The following FSTL5 variants were observed in gnomAD, a reference collection of about 807,000 sequenced individuals.
FSTL5 encodes follistatin-related protein 5.
FSTL5 carries 62 observed loss-of-function variants against 89.1 expected under a neutral mutation model. The ratio of observed to expected loss-of-function variants is 0.70; its 90% CI spans 0.57 to 0.86. The LOEUF is 0.86. Ranked by LOEUF, FSTL5 falls within the 40% of genes least tolerant of loss-of-function variation. The pLI is 0.00. For synonymous variants in FSTL5, 383 were observed against 346.2 expected (o/e 1.11, Z -1.18); for missense variants, 1,057 against 1,001.6 (o/e 1.06, Z -0.75).
At chr4:162,162,666 T>C (rs925842253) in intron 1 of FSTL5, among the ~76,000 whole-genome samples, 3 of 152,166 alleles carry the variant, frequency 2.0e-5, no homozygotes, top group Admixed American at 1.3e-4. Context: ...CTGAATTCTT[T>C]CTCTGTACAC....
intron 2 of FSTL5, among the ~76,000 whole-genome samples, chr4:162,082,951 A>G (rs946157655): frequency 1.3e-5 from 2 of 151,654 alleles, no homozygotes; most frequent in Admixed American, 1.3e-4. Context: ...AAGTAAATCA[A>G]TATCAAATAC....
intron 2 of FSTL5, among the ~76,000 whole-genome samples, chr4:162,073,126 T>G (rs374838757): frequency 6.6e-6 from 1 of 151,906 alleles, no homozygotes; most frequent in East Asian, 1.9e-4. Flanking sequence ...ATAATTATAA[T>G]AAATATTTTT....
At chr4:161,773,565 A>G (rs1049591031) in intron 5 of FSTL5, among the ~76,000 whole-genome samples, 12 of 152,250 alleles carry the variant, frequency 7.9e-5, no homozygotes, top group Non-Finnish European at 1.0e-4. Context: ...AAAAGAAGAT[A>G]TACAAATGGC....
intron 6 of FSTL5, among the ~76,000 whole-genome samples, chr4:161,759,091 T>C (rs1032590257): frequency 8.5e-5 from 13 of 152,336 alleles, no homozygotes; most frequent in African/African-American, 3.1e-4. Context: ...TTGTTTTTGA[T>C]ACATGGTGAC....
intron 8 of FSTL5, among the ~76,000 whole-genome samples, chr4:161,544,165 C>A (rs915332119): frequency 6.6e-6 from 1 of 151,770 alleles, no homozygotes; most frequent in Non-Finnish European, 1.5e-5. Context: ...GAGGGAAATG[C>A]AAATCAAAAC....
At chr4:162,140,386 G>C (rs541599000) in intron 1 of FSTL5, among the ~76,000 whole-genome samples, 1 of 140,634 alleles carries the variant, frequency 7.1e-6, no homozygotes, top group South Asian at 2.2e-4. Context: ...CACTAATTTA[G>C]TGGATAAGGA....
chr4:162,037,702 G>T (rs1273906800), intron 2 of FSTL5, among the ~76,000 whole-genome samples: 2 of 151,732 alleles, frequency 1.3e-5, no homozygotes, highest in South Asian at 2.1e-4. Context: ...TTTGGAGAAG[G>T]GAAACTAGTA....
At chr4:161,701,154 T>G (rs961444808) in intron 6 of FSTL5, among the ~76,000 whole-genome samples, 9 of 152,206 alleles carry the variant, frequency 5.9e-5, no homozygotes, top group Non-Finnish European at 1.0e-4. Context: ...CAATCAGCAT[T>G]TAAACCCACA....
chr4:161,972,630 G>GT (rs1165854865), intron 3 of FSTL5, among the ~76,000 whole-genome samples: 1 of 152,158 alleles, frequency 6.6e-6, no homozygotes, highest in African/African-American at 2.4e-5. Context: ...AACTGAGCCA[G>GT]TAAGTGGATC....
At chr4:161,453,437 T>A (rs1733242120) in intron 15 of FSTL5, among the ~76,000 whole-genome samples, 1 of 152,112 alleles carries the variant, frequency 6.6e-6, no homozygotes. Flanking sequence ...TATAAGAACT[T>A]CATATATTTT....
intron 10 of FSTL5, among the ~76,000 whole-genome samples, chr4:161,532,200 CA>C (rs764769069): frequency 2.6e-3 from 304 of 116,636 alleles, no homozygotes; most frequent in South Asian, 2.6e-3. Flanking sequence ...ACTCCATCTC[CA>C]AAAAAAAAAA....
At chr4:161,761,744 G>A (rs1422372243) in intron 5 of FSTL5, among the ~76,000 whole-genome samples, 1 of 152,164 alleles carries the variant, frequency 6.6e-6, no homozygotes, top group Admixed American at 6.5e-5. Context: ...ATGTGACCTT[G>A]AGAAGCCAGT....
At chr4:161,708,746 G>T (rs967765739) in intron 6 of FSTL5, among the ~76,000 whole-genome samples, 8 of 152,080 alleles carry the variant, frequency 5.3e-5, no homozygotes, top group African/African-American at 1.7e-4. Context: ...CTACAAAGAT[G>T]AATTATGTAT....
chr4:161,571,914 G>C (rs576177652), intron 8 of FSTL5, among the ~76,000 whole-genome samples: 1 of 152,092 alleles, frequency 6.6e-6, no homozygotes, highest in Admixed American at 6.6e-5. Context: ...CCCCCAAAAG[G>C]CTTCTGAGCA....
intron 12 of FSTL5, among the ~76,000 whole-genome samples, chr4:161,496,787 AAGATAGAGATAGAGATAGAGATAG>A (rs70937658): frequency 2.8e-5 from 4 of 143,728 alleles, no homozygotes; most frequent in African/African-American, 7.9e-5. Flanking sequence ...GATAGAGAAA[AAGATAGAGATAGAGATAGAGATAG>A]AGATAGAGAT....
rs1429191782 is a variant in FSTL5, at chr4:161,993,020, A to C, written c.160+40605T>G. Among the ~76,000 whole-genome samples the C allele has an allele frequency of 4.7e-5, 7 of 147,982 alleles. No individual in the cohort carries two copies. The East Asian group carries it at 9.8e-4, about 21-fold the overall frequency. On this transcript the variant is annotated intron_variant, in intron 3 of 15. Transcript: ENST00000306100. ...TGTTTCAATAGGTTGCACAAGGCGG[A>C]GGGGTGTGGAGGGGCATATTGTTTC...
At chr4:161,734,088 A>T (rs988900335) in intron 6 of FSTL5, among the ~76,000 whole-genome samples, 8 of 152,148 alleles carry the variant, frequency 5.3e-5, no homozygotes, top group African/African-American at 1.9e-4. Flanking sequence ...GAAAGTATGA[A>T]AAGATCTTTG....
intron 6 of FSTL5, among the ~76,000 whole-genome samples, chr4:161,730,547 T>C (rs1354193426): frequency 6.6e-6 from 1 of 152,174 alleles, no homozygotes; most frequent in Non-Finnish European, 1.5e-5. Flanking sequence ...CCTGCAATGG[T>C]ATCTACAGTA....
chr4:161,689,226 A>C (rs1737842460), intron 6 of FSTL5, among the ~76,000 whole-genome samples: 1 of 152,178 alleles, frequency 6.6e-6, no homozygotes, highest in Non-Finnish European at 1.5e-5. Flanking sequence ...ATGTTTAATA[A>C]ACTCTATATA....
Sources: gnomAD v4.1 joint callset for allele counts (sites outside exome capture counted in the v4.1 genomes callset) on GRCh38, gnomAD v4.1.1 for gene constraint, MANE v1.5 for transcripts, NCBI Gene and HGNC (gene_info 2026-07-23, HGNC 2026-07-21) for gene names.